Variants in MARCHF1 observed in about 807,000 individuals in gnomAD.
The protein encoded by MARCHF1 is membrane associated ring-CH-type finger 1.
Under a neutral mutation model 54.2 loss-of-function variants are expected in MARCHF1, and 40 were observed. That is an observed-to-expected ratio of 0.74 (90% CI 0.57 to 0.96). The LOEUF is 0.96. Ranked by LOEUF, MARCHF1 falls within the 40% of genes least tolerant of loss-of-function variation. The pLI, the probability that MARCHF1 is intolerant of heterozygous loss-of-function variation, is 0.00. For synonymous variants in MARCHF1, 236 were observed against 236.3 expected, an observed-to-expected ratio of 1.00 and a Z score of 0.01; for missense variants, 586 against 656.5, an observed-to-expected ratio of 0.89 and a Z score of 1.17.
chr4:164,195,416 C>G (rs1465263451), intron 1 of MARCHF1, among the ~76,000 whole-genome samples: 1 of 152,070 alleles, frequency 6.6e-6, no homozygotes, highest in Non-Finnish European at 1.5e-5. Context: ...ATATTTTAAA[C>G]AAAGCTATTG....
intron 1 of MARCHF1, among the ~76,000 whole-genome samples, chr4:164,279,631 T>C (rs1733974794): frequency 6.6e-6 from 1 of 151,674 alleles, no homozygotes. Flanking sequence ...TATCAAAATA[T>C]CACTCTGTAT....
At chr4:163,872,917 G>A (rs543687332) in intron 3 of MARCHF1, among the ~76,000 whole-genome samples, 2 of 152,094 alleles carry the variant, frequency 1.3e-5, no homozygotes, top group East Asian at 1.9e-4. Context: ...GGTGGCGGGC[G>A]CCTGTAGTCC....
chr4:163,843,448 C>G (rs1239007666), intron 4 of MARCHF1, among the ~76,000 whole-genome samples: 1 of 152,072 alleles, frequency 6.6e-6, no homozygotes, highest in Non-Finnish European at 1.5e-5. Context: ...ACACTGCTTA[C>G]CACAGTGGCT....
chr4:164,117,685 A>C (rs2017427), intron 1 of MARCHF1, among the ~76,000 whole-genome samples: 25,276 of 152,040 alleles, frequency 0.17, 2,628 homozygotes, highest in East Asian at 0.49. Context: ...AGATCACTTG[A>C]GGTCAGGAGT....
chr4:163,638,574 CT>C (rs919657390), intron 5 of MARCHF1, among the ~76,000 whole-genome samples: 15 of 151,946 alleles, frequency 9.9e-5, no homozygotes, highest in Non-Finnish European at 1.5e-4. Flanking sequence ...AATCAAATTA[CT>C]TTTTTTTAAA....
chr4:164,074,313 T>C (rs114842018), intron 2 of MARCHF1, among the ~76,000 whole-genome samples: 150 of 152,318 alleles, frequency 9.8e-4, no homozygotes, highest in African/African-American at 3.1e-3. Context: ...ATTCTCTTGC[T>C]ACAACAAGTT....
At chr4:164,092,419 CAG>C (rs1755324087) in intron 2 of MARCHF1, among the ~76,000 whole-genome samples, 1 of 152,074 alleles carries the variant, frequency 6.6e-6, no homozygotes, top group Admixed American at 6.6e-5. Context: ...GCTAGCCTGA[CAG>C]AAGGTGGGGG....
intron 5 of MARCHF1, among the ~76,000 whole-genome samples, chr4:163,626,794 G>A (rs1741886743): frequency 6.6e-6 from 1 of 152,024 alleles, no homozygotes; most frequent in Non-Finnish European, 1.5e-5. Flanking sequence ...TGGCATGGTG[G>A]TGTGCTCCTG....
chr4:163,900,363 C>A (rs1750913342), intron 3 of MARCHF1, among the ~76,000 whole-genome samples: 1 of 150,868 alleles, frequency 6.6e-6, no homozygotes, highest in Admixed American at 6.6e-5. Flanking sequence ...AAAAAACTCT[C>A]CAATGTTTAC....
chr4:164,265,215 T>A (rs1474911473), intron 1 of MARCHF1, among the ~76,000 whole-genome samples: 1 of 152,148 alleles, frequency 6.6e-6, no homozygotes, highest in Non-Finnish European at 1.5e-5. Flanking sequence ...TACAAACTAT[T>A]GACAATAAGT....
chr4:163,853,896 A>G, intron 4 of MARCHF1, 125 bp downstream of exon 4: 1 of 729,596 alleles, frequency 1.4e-6, no homozygotes, highest in Non-Finnish European at 2.1e-6. Context: ...AATATATTAT[A>G]TAATACAAAT....
At chr4:164,307,146 T>A (rs79293290) in intron 1 of MARCHF1, among the ~76,000 whole-genome samples, 2 of 152,154 alleles carry the variant, frequency 1.3e-5, no homozygotes, top group Non-Finnish European at 2.9e-5. Flanking sequence ...CCACACCTCA[T>A]TTCTTGCCCA....
intron 2 of MARCHF1, among the ~76,000 whole-genome samples, chr4:164,004,597 T>G (rs565315887): frequency 1.3e-5 from 2 of 151,962 alleles, no homozygotes; most frequent in Admixed American, 1.3e-4. Context: ...ACTTGGGCAA[T>G]TAAAAAAACT....
intron 5 of MARCHF1, among the ~76,000 whole-genome samples, chr4:163,627,389 A>G (rs973326329): frequency 6.6e-6 from 1 of 152,206 alleles, no homozygotes; most frequent in Non-Finnish European, 1.5e-5. Context: ...CTTCGATAGC[A>G]TAGCCCTTTA....
Position 164,109,667 on chromosome 4 carries a change from G to A in MARCHF1, c.-248+1921C>T, listed in dbSNP as rs185293207. ...CAAACATTCAGAGTAATCAAGAAGC[G>A]CGTGACCAAAGCAAGATAACATTTC... On this transcript the variant is annotated intron_variant, in intron 2 of 9. Coordinates refer to ENST00000514618, the MANE Select transcript of MARCHF1 (RefSeq NM_001394959.1). 1.5e-3 allele frequency among the ~76,000 whole-genome samples: 224 copies of A among 151,384 alleles called. 1 individual carries two copies. The highest frequency in any genetic ancestry group is 3.3e-3 in the East Asian group (17 of 5,146).
rs558225419 is a variant in MARCHF1, at chr4:164,106,843, G to A, written c.-248+4745C>T. Among the ~76,000 whole-genome samples, 26 of 151,414 alleles carry A rather than the reference G, an allele frequency of 1.7e-4. No homozygotes were observed. In the South Asian group the frequency reaches 5.2e-3, roughly 30 times the overall value. ...TTAAGACTCTTCAGACTTTTTCCCT[G>A]TGTTTCCAGATAATCAGAATGCTGT... On this transcript the variant is annotated intron_variant, in intron 2 of 9. Transcript: ENST00000514618.
chr4:163,664,524 A>T (rs1743463189), intron 5 of MARCHF1, among the ~76,000 whole-genome samples: 1 of 152,026 alleles, frequency 6.6e-6, no homozygotes, highest in Admixed American at 6.6e-5. Context: ...TCAGTGCCCC[A>T]CCTACAGAGA....
intron 1 of MARCHF1, among the ~76,000 whole-genome samples, chr4:164,331,749 AAAG>A (rs1452160978): frequency 6.6e-6 from 1 of 152,196 alleles, no homozygotes; most frequent in Non-Finnish European, 1.5e-5. Context: ...ATGCTGATAA[AAAG>A]AAAATCTCTG....
At chr4:164,359,204 T>G (rs74562705) in intron 1 of MARCHF1, among the ~76,000 whole-genome samples, 15,808 of 152,210 alleles carry the variant, frequency 0.1, 1,393 homozygotes, top group East Asian at 0.29. Context: ...CTCTATTAAC[T>G]CCAGTGATGT....
Sources: allele counts gnomAD v4.1 joint callset (sites outside exome capture counted in the v4.1 genomes callset), GRCh38; gene constraint gnomAD v4.1.1; transcripts MANE v1.5; gene names NCBI Gene and HGNC (gene_info 2026-07-23, HGNC 2026-07-21).